COL5A2: variants seen among roughly 807,000 people sequenced by gnomAD.
COL5A2 encodes the protein collagen alpha-2(V) chain.
In COL5A2, 23 loss-of-function variants were observed where a neutral mutation model predicts 208.2. The observed-to-expected ratio is 0.11, with a 90% CI of 0.08 to 0.16. The LOEUF is 0.16. Among genes scored for constraint, COL5A2 ranks in the 10% least tolerant of loss-of-function variants. The pLI, the probability that COL5A2 is intolerant of heterozygous loss-of-function variation, is 1.00. For synonymous variants in COL5A2, 625 were observed against 628.5 expected (o/e 0.99, Z 0.08); for missense variants, 1,590 against 1,956.4 (o/e 0.81, Z 3.53).
intron 1 of COL5A2, among the ~76,000 whole-genome samples, chr2:189,165,591 A>G (rs1688448190): frequency 6.6e-6 from 1 of 152,220 alleles, no homozygotes; most frequent in African/African-American, 2.4e-5. Context: ...AAGGCCATGC[A>G]TTTTAATTTA....
At chr2:189,325,738 A>G in the COL5A2 span, among the ~76,000 whole-genome samples, 1 of 152,212 alleles carries the variant, frequency 6.6e-6, no homozygotes, top group East Asian at 1.9e-4. Context: ...CTCAATTCAG[A>G]AAGTTCCAGA....
chr2:189,328,932 G>A, the COL5A2 span, among the ~76,000 whole-genome samples: 91 of 152,152 alleles, frequency 6.0e-4, 1 homozygote, highest in East Asian at 0.016. Flanking sequence ...ATTAATGTTG[G>A]GAAGTCAAAA....
At chr2:189,187,845 T>C (rs759432624) in intron 1 of COL5A2, among the ~76,000 whole-genome samples, 3 of 151,750 alleles carry the variant, frequency 2.0e-5, no homozygotes, top group African/African-American at 4.8e-5. Context: ...GGTGGGCGCC[T>C]GTAGTCCCAG....
chr2:189,175,487 A>G (rs930024807), intron 1 of COL5A2, among the ~76,000 whole-genome samples: 1 of 152,004 alleles, frequency 6.6e-6, no homozygotes, highest in Non-Finnish European at 1.5e-5. Context: ...TGTGGAGCCA[A>G]TATGCCAGCC....
chr2:189,089,443 G>A (rs923324784), intron 7 of COL5A2, among the ~76,000 whole-genome samples: 5 of 152,264 alleles, frequency 3.3e-5, no homozygotes, highest in African/African-American at 7.2e-5. Flanking sequence ...TGTGTGTACT[G>A]TTTATAAATA....
chr2:189,201,265 C>A (rs1689064740), intron 1 of COL5A2, among the ~76,000 whole-genome samples: 1 of 151,854 alleles, frequency 6.6e-6, no homozygotes, highest in African/African-American at 2.4e-5. Context: ...TATCCTAAAG[C>A]CTAGCAACCA....
In COL5A2 at chr2:189,033,732, TA is replaced by T. The variant is rs1283608396; in HGVS notation, c.*337del. 2 of 328,700 alleles carry T rather than the reference TA, an allele frequency of 6.1e-6. No homozygotes were observed. The highest frequency in any genetic ancestry group is 5.8e-6 in the Non-Finnish European group (1 of 171,972). 20.4% of individuals were successfully genotyped at this position (328,700 alleles called of 1,614,324 possible). A position where few individuals can be genotyped will look rare whatever the true frequency, so the allele number is the denominator to read the frequency against. On this transcript the variant is annotated 3_prime_UTR_variant, in exon 54 of 54. Transcript: ENST00000374866. ...GGAAGAAGAATTTCCTCATAAATAC[TA>T]AGCAACTTTTTCATTACACTGAAAT...
chr2:189,098,263 A>G (rs1351888803), intron 5 of COL5A2, among the ~76,000 whole-genome samples: 2 of 152,204 alleles, frequency 1.3e-5, no homozygotes, highest in African/African-American at 2.4e-5. Context: ...TGTTATGAAT[A>G]CTGCTGATAA....
chr2:189,132,721 G>A (rs994112997), intron 1 of COL5A2, among the ~76,000 whole-genome samples: 1 of 152,052 alleles, frequency 6.6e-6, no homozygotes, highest in Non-Finnish European at 1.5e-5. Context: ...AGGAGTTTGA[G>A]ACCAGCCTGG....
intron 8 of COL5A2, among the ~76,000 whole-genome samples, chr2:189,088,275 G>T (rs1191810547): frequency 1.3e-5 from 2 of 152,136 alleles, no homozygotes; most frequent in Non-Finnish European, 2.9e-5. Context: ...GCAGCCAGAG[G>T]ATATTAAGTA....
the COL5A2 span, among the ~76,000 whole-genome samples, chr2:189,310,218 A>C: frequency 2.6e-5 from 4 of 152,228 alleles, no homozygotes; most frequent in African/African-American, 9.6e-5. Context: ...GGTTTTCCAG[A>C]AAATATAAAG....
intron 5 of COL5A2, 102 bp from the exon 6 acceptor site, chr2:189,097,432 C>G: frequency 8.5e-7 from 1 of 1,174,048 alleles, no homozygotes; most frequent in South Asian, 1.3e-5. Flanking sequence ...AGAAATACCA[C>G]ACTTAATTCA....
chr2:189,254,266 T>C, the COL5A2 span, among the ~76,000 whole-genome samples: 460 of 144,810 alleles, frequency 3.2e-3, 1 homozygote, highest in Middle Eastern at 7.2e-3. Context: ...TGCTATAATT[T>C]AACAGAGATG....
At chr2:189,311,748 G>C in the COL5A2 span, 1 of 780,482 alleles carries the variant, frequency 1.3e-6, no homozygotes, top group East Asian at 2.4e-5. Flanking sequence ...ACCAGTACTT[G>C]TCAAGCTCCT....
At chr2:189,402,008 C>T in the COL5A2 span, among the ~76,000 whole-genome samples, 4 of 151,898 alleles carry the variant, frequency 2.6e-5, no homozygotes, top group Non-Finnish European at 5.9e-5. Context: ...AATTCCCATT[C>T]TGTAGGTTGT....
intron 1 of COL5A2, among the ~76,000 whole-genome samples, chr2:189,149,564 T>C (rs1305126646): frequency 6.6e-6 from 1 of 152,222 alleles, no homozygotes; most frequent in Non-Finnish European, 1.5e-5. Context: ...AAAAATCGAC[T>C]ACACTATTAA....
chr2:189,269,619 T>C, the COL5A2 span, among the ~76,000 whole-genome samples: 2 of 152,152 alleles, frequency 1.3e-5, no homozygotes, highest in African/African-American at 4.8e-5. Flanking sequence ...CTTTTTGATG[T>C]GTTGATGGAT....
chr2:189,033,683 C>T lies in COL5A2; in HGVS notation c.*387G>A, dbSNP rs1225206078. The T allele has an allele frequency of 2.2e-5, 6 of 273,968 alleles. No individual in the cohort carries two copies. Among genetic ancestry groups the T allele is most frequent in the Non-Finnish European group, 4.3e-5 (6 of 139,380 alleles). 17.0% of individuals were successfully genotyped at this position (273,968 alleles called of 1,614,324 possible). A position where few individuals can be genotyped will look rare whatever the true frequency, so the allele number is the denominator to read the frequency against. ...TAAACATGTGTTGTGGCTCTATATA[C>T]CCCACTCTTTAAGCTACCTGCCAGG... On this transcript the variant is annotated 3_prime_UTR_variant, in exon 54 of 54. Coordinates refer to ENST00000374866, the MANE Select transcript of COL5A2 (RefSeq NM_000393.5).
In COL5A2 at chr2:189,115,549, T is replaced by C. The variant is rs578014083; in HGVS notation, c.98-5100A>G. On this transcript the variant is annotated intron_variant, in intron 1 of 53. Transcript: ENST00000374866. The stretch of plus-strand genomic sequence containing the variant: ...GAAATAAAAGTCCCTAAAATTATGT[T>C]AGATATTCTCTAGCCATTAACTAAA... Among the ~76,000 whole-genome samples, 335 of 152,302 alleles carry C rather than the reference T, an allele frequency of 2.2e-3. 5 individuals are homozygous for C. The highest frequency in any genetic ancestry group is 7.8e-3 in the African/African-American group (326 of 41,554).
Sources: gnomAD v4.1 joint callset for allele counts (sites outside exome capture counted in the v4.1 genomes callset) on GRCh38, gnomAD v4.1.1 for gene constraint, MANE v1.5 for transcripts, NCBI Gene and HGNC (gene_info 2026-07-23, HGNC 2026-07-21) for gene names.